GALNT13: variants seen among roughly 807,000 people sequenced by gnomAD.
GALNT13 encodes polypeptide N-acetylgalactosaminyltransferase 13.
In GALNT13, 28 loss-of-function variants were observed where a neutral mutation model predicts 64.2. The observed-to-expected ratio is 0.44, with a 90% CI of 0.32 to 0.60. The LOEUF (loss-of-function observed/expected upper bound fraction) is 0.60. GALNT13 is among the 20% of genes least tolerant of loss of function. The pLI, the probability that GALNT13 is intolerant of heterozygous loss-of-function variation, is 0.05. For missense variants in GALNT13, 577 were observed against 669.8 expected (o/e 0.86, Z 1.53); for synonymous variants, 214 against 224.6 (o/e 0.95, Z 0.42).
chr2:153,631,317 T>C, the GALNT13 span, among the ~76,000 whole-genome samples: 3 of 152,182 alleles, frequency 2.0e-5, no homozygotes, highest in African/African-American at 7.2e-5. Context: ...ATCGTTTGGG[T>C]ATATACCCAG....
the GALNT13 span, among the ~76,000 whole-genome samples, chr2:153,481,827 A>T: frequency 7.9e-5 from 12 of 152,176 alleles, no homozygotes; most frequent in African/African-American, 2.4e-4. Context: ...AAGATTTTTG[A>T]TTTTCTCTTT....
chr2:153,726,151 A>C, the GALNT13 span, among the ~76,000 whole-genome samples: 1 of 152,180 alleles, frequency 6.6e-6, no homozygotes, highest in African/African-American at 2.4e-5. Flanking sequence ...AAATACACAT[A>C]TTCACATGCA....
chr2:154,024,763 G>A (rs1439226880), intron 3 of GALNT13, among the ~76,000 whole-genome samples: 1 of 152,124 alleles, frequency 6.6e-6, no homozygotes, highest in Non-Finnish European at 1.5e-5. Flanking sequence ...GAGGAGGAGA[G>A]GCACTCTGAT....
chr2:153,294,967 G>A, the GALNT13 span, among the ~76,000 whole-genome samples: 18 of 152,154 alleles, frequency 1.2e-4, no homozygotes, highest in Admixed American at 1.2e-3. Context: ...GAAGAGAAAA[G>A]TGATCTCTTA....
At chr2:154,091,407 G>A (rs1701801852) in intron 3 of GALNT13, among the ~76,000 whole-genome samples, 1 of 151,790 alleles carries the variant, frequency 6.6e-6, no homozygotes, top group African/African-American at 2.4e-5. Flanking sequence ...TATTGATTAT[G>A]ATGGCTAAAA....
the GALNT13 span, among the ~76,000 whole-genome samples, chr2:153,576,845 C>T: frequency 5.3e-5 from 8 of 151,646 alleles, no homozygotes; most frequent in Middle Eastern, 3.4e-3. Flanking sequence ...TTTTTATTCT[C>T]GATGGTCTCT....
the GALNT13 span, among the ~76,000 whole-genome samples, chr2:153,222,588 C>A: frequency 0.033 from 5,049 of 152,218 alleles, 289 homozygotes; most frequent in African/African-American, 0.11. Flanking sequence ...CATCCATGGT[C>A]CACTGCGCCC....
chr2:153,637,185 A>G, the GALNT13 span, among the ~76,000 whole-genome samples: 1 of 152,104 alleles, frequency 6.6e-6, no homozygotes. Context: ...CCAAATTGCT[A>G]ATCTCTAAAA....
chr2:153,669,217 A>G, the GALNT13 span, among the ~76,000 whole-genome samples: 4 of 151,312 alleles, frequency 2.6e-5, no homozygotes, highest in Non-Finnish European at 5.9e-5. Context: ...TCCCCATACC[A>G]CTTTGTTAGC....
intron 3 of GALNT13, among the ~76,000 whole-genome samples, chr2:154,001,960 T>C (rs1695939895): frequency 6.6e-6 from 1 of 152,080 alleles, no homozygotes; most frequent in African/African-American, 2.4e-5. Flanking sequence ...TTTTTGTGTG[T>C]GTGTTTTGTT....
chr2:153,899,977 C>T (rs1437782921), intron 1 of GALNT13, among the ~76,000 whole-genome samples: 2 of 140,430 alleles, frequency 1.4e-5, no homozygotes, highest in Non-Finnish European at 3.0e-5. Context: ...ATTCTGTCTC[C>T]CAGGCTGGAG....
chr2:153,445,362 A>G, the GALNT13 span, among the ~76,000 whole-genome samples: 6 of 152,184 alleles, frequency 3.9e-5, no homozygotes, highest in African/African-American at 1.4e-4. Flanking sequence ...TTATTTTAAA[A>G]ATAACAAAAT....
the GALNT13 span, among the ~76,000 whole-genome samples, chr2:153,739,997 T>G: frequency 2.6e-5 from 4 of 151,984 alleles, no homozygotes; most frequent in Non-Finnish European, 5.9e-5. Flanking sequence ...TCATAAAAAT[T>G]CTATTTCTTC....
At chr2:153,605,237 AATAG>A in the GALNT13 span, among the ~76,000 whole-genome samples, 1 of 152,122 alleles carries the variant, frequency 6.6e-6, no homozygotes, top group African/African-American at 2.4e-5. Context: ...AGTAGCAAGT[AATAG>A]ATAGGCTCTT....
rs1693164550 is a variant in GALNT13 at position 154,298,637 on chromosome 2, T to TTGTATATATAATTTATATA, written c.976-2771_976-2770insGTATATATAATTTATATAT. 3.7e-5 allele frequency among the ~76,000 whole-genome samples: 2 copies of TTGTATATATAATTTATATA among 53,414 alleles called. 1 individual carries two copies. Among genetic ancestry groups the TTGTATATATAATTTATATA allele is most frequent in the African/African-American group, 1.6e-4 (2 of 12,278 alleles). The allele number at this position is 53,414 out of a possible 152,430, so 35.0% of individuals were successfully genotyped here. On this transcript the variant is annotated intron_variant, in intron 8 of 12. Transcript: ENST00000392825. ...TTTATATATACATTGTATATATAAT[T>TTGTATATATAATTTATATA]TATATATACATTGTATATACAATTT...
At chr2:154,331,883 T>C (rs1400663210) in intron 9 of GALNT13, among the ~76,000 whole-genome samples, 1 of 152,104 alleles carries the variant, frequency 6.6e-6, no homozygotes. Context: ...AAATGTGTTA[T>C]TTGTGAAAGA....
At chr2:153,778,162 C>G in the GALNT13 span, among the ~76,000 whole-genome samples, 2 of 152,108 alleles carry the variant, frequency 1.3e-5, no homozygotes, top group Non-Finnish European at 2.9e-5. Context: ...GCTTCTATGC[C>G]GGTGTGTTCC....
At position 154,301,423 on chromosome 2, in the gene GALNT13, A is replaced by G. The variant is rs976107148; in HGVS notation, c.990A>G (p.Gly330=). Residue 330 remains glycine (G), a synonymous_variant, in exon 9 of 13, where the codon GGA becomes GGG. Transcript: ENST00000392825. The part of the protein sequence containing the change: ...LEMSFRIWQC[G]GSLEIVTCSH... ...CCTTTTCCCAGATTTGGCAATGTGGAGGCTCCTTGGAGATTGTTACTTGCT... is the reference window on the plus strand; with the variant it reads ...CCTTTTCCCAGATTTGGCAATGTGGGGGCTCCTTGGAGATTGTTACTTGCT... 1 of 1,611,846 alleles carries G rather than the reference A, an allele frequency of 6.2e-7. No individual in the cohort carries two copies. The highest frequency in any genetic ancestry group is 8.5e-7 in the Non-Finnish European group (1 of 1,178,616).
the GALNT13 span, among the ~76,000 whole-genome samples, chr2:153,388,677 A>G: frequency 6.6e-6 from 1 of 151,766 alleles, no homozygotes; most frequent in Non-Finnish European, 1.5e-5. Context: ...CATTGTACAA[A>G]GGAAAGAATA....
Sources: allele counts gnomAD v4.1 joint callset (sites outside exome capture counted in the v4.1 genomes callset), GRCh38; gene constraint gnomAD v4.1.1; transcripts MANE v1.5; gene names NCBI Gene and HGNC (gene_info 2026-07-23, HGNC 2026-07-21).